The following KIAA1217 variants were observed in gnomAD, a reference collection of about 807,000 sequenced individuals.
KIAA1217 encodes KIAA1217, also known as sickle tail protein homolog.
KIAA1217 carries 88 observed loss-of-function variants against 163.9 expected under a neutral mutation model. That is an observed-to-expected ratio of 0.54 (90% CI 0.45 to 0.64). The LOEUF is 0.64. KIAA1217 is among the 30% of genes least tolerant of loss of function. The pLI, the probability that KIAA1217 is intolerant of heterozygous loss-of-function variation, is 0.00. For missense variants in KIAA1217, 2,372 were observed against 2,475.0 expected, an observed-to-expected ratio of 0.96 and a Z score of 0.88; for synonymous variants, 903 against 923.1, an observed-to-expected ratio of 0.98 and a Z score of 0.39.
At chr10:23,891,912 T>C (rs1400777825) in intron 1 of KIAA1217, among the ~76,000 whole-genome samples, 1 of 152,002 alleles carries the variant, frequency 6.6e-6, no homozygotes, top group East Asian at 1.9e-4. Flanking sequence ...ACTGGGTACA[T>C]TAAGTATCAA....
At chr10:23,733,229 T>A (rs1401876074) in intron 1 of KIAA1217, among the ~76,000 whole-genome samples, 2 of 152,142 alleles carry the variant, frequency 1.3e-5, no homozygotes, top group African/African-American at 4.8e-5. Flanking sequence ...GCCAGGCTGG[T>A]CTCGAACTGC....
intron 1 of KIAA1217, among the ~76,000 whole-genome samples, chr10:23,923,831 T>C (rs1397170921): frequency 1.3e-5 from 2 of 152,240 alleles, no homozygotes; most frequent in Non-Finnish European, 2.9e-5. Context: ...AATTTGAGTA[T>C]ATTTAATTTA....
chr10:23,750,548 T>A (rs1394586279), intron 1 of KIAA1217, among the ~76,000 whole-genome samples: 1 of 152,198 alleles, frequency 6.6e-6, no homozygotes, highest in African/African-American at 2.4e-5. Flanking sequence ...AGTCCTTTCT[T>A]TCACTGCATT....
At chr10:24,209,328 T>C (rs1404132451) in intron 1 of KIAA1217, 65 bp downstream of exon 1, 7 of 1,252,756 alleles carry the variant, frequency 5.6e-6, no homozygotes, top group Non-Finnish European at 6.9e-6. Context: ...CTTGCTGCTT[T>C]TTATAAACTG....
intron 1 of KIAA1217, among the ~76,000 whole-genome samples, chr10:23,905,195 TTC>T (rs1842108936): frequency 6.6e-6 from 1 of 151,010 alleles, no homozygotes; most frequent in African/African-American, 2.4e-5. Context: ...TTTTTTTTTT[TTC>T]TTTCTGCAGA....
upstream of KIAA1217, among the ~76,000 whole-genome samples, chr10:24,205,302 C>CAAAAAAA (rs61292023): frequency 1.1e-4 from 4 of 36,610 alleles, 1 homozygote; most frequent in Admixed American, 9.2e-4. Flanking sequence ...ACTAAAAATA[C>CAAAAAAA]AAAAAAAAAA....
chr10:23,760,747 C>A (rs1219158580), intron 1 of KIAA1217, among the ~76,000 whole-genome samples: 4 of 151,936 alleles, frequency 2.6e-5, no homozygotes, highest in Non-Finnish European at 5.9e-5. Flanking sequence ...TTGAGACCAG[C>A]CTGAGCAACA....
chr10:24,109,305 G>A (rs1162118847), intron 2 of KIAA1217, among the ~76,000 whole-genome samples: 1 of 151,960 alleles, frequency 6.6e-6, no homozygotes, highest in East Asian at 1.9e-4. Flanking sequence ...GTTCCCAGTT[G>A]CCTTTTTTTA....
intron 1 of KIAA1217, among the ~76,000 whole-genome samples, chr10:23,839,065 T>A (rs907706332): frequency 1.3e-5 from 2 of 152,190 alleles, no homozygotes; most frequent in African/African-American, 4.8e-5. Context: ...TTATTGATTT[T>A]TCCACATTTT....
chr10:23,934,565 A>ATATATATATATATATATATATATG (rs1843402140), intron 1 of KIAA1217, among the ~76,000 whole-genome samples: 2 of 70,998 alleles, frequency 2.8e-5, no homozygotes, highest in Non-Finnish European at 4.6e-5. Flanking sequence ...AAGTATATAT[A>ATATATATATATATATATATATATG]TATATATATA....
chr10:24,059,881 A>G (rs1247646782), intron 2 of KIAA1217, among the ~76,000 whole-genome samples: 1 of 152,072 alleles, frequency 6.6e-6, no homozygotes, highest in Non-Finnish European at 1.5e-5. Flanking sequence ...CGAGTTTTCT[A>G]TTTCTTCATC....
chr10:23,786,208 G>T (rs978743321), intron 1 of KIAA1217, among the ~76,000 whole-genome samples: 2 of 152,090 alleles, frequency 1.3e-5, no homozygotes, highest in Non-Finnish European at 1.5e-5. Context: ...CTAGCTGAAA[G>T]AGTCTAGGAA....
intron 2 of KIAA1217, among the ~76,000 whole-genome samples, chr10:24,260,482 G>C (rs1395038493): frequency 6.6e-6 from 1 of 151,302 alleles, no homozygotes; most frequent in Admixed American, 6.6e-5. Context: ...AGGCATGGTG[G>C]CTCATGCCTG....
intron 1 of KIAA1217, among the ~76,000 whole-genome samples, chr10:23,866,696 C>T (rs1030232525): frequency 2.6e-5 from 4 of 151,988 alleles, no homozygotes; most frequent in Non-Finnish European, 4.4e-5. Flanking sequence ...ACCTGCTACT[C>T]TCCCAGCTTG....
chr10:24,423,728 G>C (rs2058947900), intron 3 of KIAA1217, among the ~76,000 whole-genome samples: 1 of 152,100 alleles, frequency 6.6e-6, no homozygotes, highest in Admixed American at 6.5e-5. Context: ...TAGAAATAGG[G>C]TTTCACCGTG....
chr10:24,427,822 A>G (rs1167357165), intron 3 of KIAA1217, among the ~76,000 whole-genome samples: 1 of 152,214 alleles, frequency 6.6e-6, no homozygotes, highest in African/African-American at 2.4e-5. Context: ...TCATCATGCC[A>G]ATAAAACGCC....
intron 2 of KIAA1217, among the ~76,000 whole-genome samples, chr10:24,131,935 C>T (rs992263168): frequency 5.3e-5 from 8 of 152,196 alleles, no homozygotes; most frequent in African/African-American, 7.2e-5. Context: ...ACAATCTCCA[C>T]GTTTCAGTGA....
intron 2 of KIAA1217, among the ~76,000 whole-genome samples, chr10:24,185,186 G>A (rs2066364217): frequency 1.3e-5 from 2 of 152,106 alleles, no homozygotes; most frequent in Non-Finnish European, 1.5e-5. Context: ...ACCTGTCTCT[G>A]TTGTGGGAGT....
At chr10:23,934,932 A>T (rs544614285) in intron 1 of KIAA1217, among the ~76,000 whole-genome samples, 2 of 151,902 alleles carry the variant, frequency 1.3e-5, no homozygotes, top group Non-Finnish European at 1.5e-5. Context: ...ATATTTTTTT[A>T]AAGTTCTGTA....
Sources: gnomAD v4.1 joint callset for allele counts (sites outside exome capture counted in the v4.1 genomes callset) on GRCh38, gnomAD v4.1.1 for gene constraint, MANE v1.5 for transcripts, NCBI Gene and HGNC (gene_info 2026-07-23, HGNC 2026-07-21) for gene names.